The following CDIN1 variants were observed in gnomAD, a reference collection of about 807,000 sequenced individuals.
CDIN1 encodes CDAN1 interacting nuclease 1.
A neutral mutation model predicts 45.3 loss-of-function variants in CDIN1; 33 were observed. That is an observed-to-expected ratio of 0.73 (90% CI 0.55 to 0.97). The LOEUF (loss-of-function observed/expected upper bound fraction) is 0.97, where lower values mean the gene tolerates loss of function less well. CDIN1 is among the 50% of genes least tolerant of loss of function. CDIN1 has a pLI of 0.00. For synonymous variants in CDIN1, 118 were observed against 124.4 expected (o/e 0.95, Z 0.34); for missense variants, 303 against 339.4 (o/e 0.89, Z 0.84).
intron 10 of CDIN1, among the ~76,000 whole-genome samples, chr15:36,801,098 C>G (rs1258934915): frequency 3.3e-5 from 5 of 151,078 alleles, no homozygotes; most frequent in Admixed American, 6.6e-5. Context: ...ATTCCGTAGT[C>G]TACTTGTCAT....
chr15:36,711,195 G>A (rs529933640), intron 10 of CDIN1, among the ~76,000 whole-genome samples: 267 of 152,110 alleles, frequency 1.8e-3, no homozygotes, highest in African/African-American at 6.2e-3. Flanking sequence ...CATCATTTTT[G>A]GAAGTATAGG....
At chr15:36,697,007 C>T (rs2140751045) in intron 7 of CDIN1, among the ~76,000 whole-genome samples, 1 of 150,138 alleles carries the variant, frequency 6.7e-6, no homozygotes, top group Non-Finnish European at 1.5e-5. Context: ...CCCCTGTAGT[C>T]CCTGCTACCC....
At chr15:36,698,589 A>G (rs1263802567) in intron 8 of CDIN1, among the ~76,000 whole-genome samples, 2 of 152,320 alleles carry the variant, frequency 1.3e-5, no homozygotes, top group Middle Eastern at 3.4e-3. Context: ...GTGATGCACT[A>G]TGAGATATGT....
intron 8 of CDIN1, among the ~76,000 whole-genome samples, chr15:36,699,088 C>CA (rs1318017642): frequency 6.6e-6 from 1 of 152,162 alleles, no homozygotes; most frequent in Non-Finnish European, 1.5e-5. Context: ...GAAGCATACT[C>CA]AAACAGGATA....
At chr15:36,698,769 T>A (rs1719309572) in intron 8 of CDIN1, among the ~76,000 whole-genome samples, 1 of 152,194 alleles carries the variant, frequency 6.6e-6, no homozygotes, top group East Asian at 1.9e-4. Context: ...ACCATCAGCC[T>A]GTGGACAGTC....
chr15:36,780,095 C>T (rs1256018657), intron 10 of CDIN1, among the ~76,000 whole-genome samples: 1 of 151,804 alleles, frequency 6.6e-6, no homozygotes, highest in Admixed American at 6.6e-5. Flanking sequence ...CTGAAGCACC[C>T]GTTGTATGGT....
chr15:36,644,365 T>A (rs776008161), intron 2 of CDIN1, 42 bp downstream of exon 2: 1 of 1,573,358 alleles, frequency 6.4e-7, no homozygotes, highest in Non-Finnish European at 8.7e-7. Context: ...AGGTGCCTAA[T>A]TGAATGATGA....
intron 5 of CDIN1, among the ~76,000 whole-genome samples, chr15:36,662,854 G>GTTTTTTTT (rs34007525): frequency 2.4e-5 from 3 of 122,912 alleles, no homozygotes; most frequent in Non-Finnish European, 3.3e-5. Context: ...TCAGATTTTA[G>GTTTTTTTT]TTTTTTTTTT....
At chr15:36,745,732 G>A (rs996785095) in intron 10 of CDIN1, among the ~76,000 whole-genome samples, 11 of 152,196 alleles carry the variant, frequency 7.2e-5, no homozygotes, top group African/African-American at 1.4e-4. Flanking sequence ...TTGGGAGGCC[G>A]AGGCGAGTGA....
At chr15:36,717,775 A>T (rs1284354105) in intron 10 of CDIN1, among the ~76,000 whole-genome samples, 2 of 152,138 alleles carry the variant, frequency 1.3e-5, no homozygotes, top group African/African-American at 4.8e-5. Flanking sequence ...AAGTGGTTAT[A>T]CCATTTTATA....
intron 1 of CDIN1, chr15:36,594,993 T>C (rs2037745635): frequency 1.2e-6 from 1 of 831,386 alleles, no homozygotes; most frequent in African/African-American, 1.9e-5. Context: ...TATTTTCTGT[T>C]CCATAGATAA....
At chr15:36,617,081 AGGACGAC>A in intron 1 of CDIN1, 1 of 789,006 alleles carries the variant, frequency 1.3e-6, no homozygotes, top group Admixed American at 1.7e-5. Flanking sequence ...GGCCGAGCAG[AGGACGAC>A]ATGTTGTTTT....
At chr15:36,805,330 G>C (rs1008696981) in intron 10 of CDIN1, among the ~76,000 whole-genome samples, 2 of 152,144 alleles carry the variant, frequency 1.3e-5, no homozygotes. Flanking sequence ...AGCTGGCAGG[G>C]AGGGCTGCAA....
At chr15:36,745,230 C>T (rs998464714) in intron 10 of CDIN1, among the ~76,000 whole-genome samples, 9 of 150,126 alleles carry the variant, frequency 6.0e-5, no homozygotes, top group South Asian at 2.1e-4. Context: ...TTAAACACTT[C>T]ATTTGTTATC....
chr15:36,618,905 A>G, intron 1 of CDIN1: 1 of 1,287,944 alleles, frequency 7.8e-7, no homozygotes, highest in South Asian at 1.2e-5. Flanking sequence ...TCGTAACATA[A>G]ATGTAGCTAC....
chr15:36,682,613 CA>C (rs377726124), intron 5 of CDIN1, among the ~76,000 whole-genome samples: 2 of 134,372 alleles, frequency 1.5e-5, no homozygotes, highest in Non-Finnish European at 3.3e-5. Flanking sequence ...AAAAAAAAAA[CA>C]AAAATTAGCT....
chr15:36,776,530 TTC>T (rs2054222346), intron 10 of CDIN1, among the ~76,000 whole-genome samples: 1 of 152,246 alleles, frequency 6.6e-6, no homozygotes, highest in African/African-American at 2.4e-5. Context: ...AAAAATATTC[TTC>T]TTGGTAATCA....
chr15:36,708,214 C>CT (rs747436252), intron 8 of CDIN1: 4 of 152,108 alleles, frequency 2.6e-5, no homozygotes, highest in Admixed American at 6.6e-5. Flanking sequence ...TAATTTTAAT[C>CT]AAAGGTGATG....
At chr15:36,759,144 C>A (rs1261105014) in intron 10 of CDIN1, among the ~76,000 whole-genome samples, 1 of 151,994 alleles carries the variant, frequency 6.6e-6, no homozygotes, top group African/African-American at 2.4e-5. Context: ...CAAGATACAT[C>A]GAGGGGTGCA....
Sources: gnomAD v4.1 joint callset for allele counts (sites outside exome capture counted in the v4.1 genomes callset) on GRCh38, gnomAD v4.1.1 for gene constraint, MANE v1.5 for transcripts, NCBI Gene and HGNC (gene_info 2026-07-23, HGNC 2026-07-21) for gene names.